Variants in PRKAR1A observed in about 807,000 individuals in gnomAD.
PRKAR1A encodes protein kinase cAMP-dependent type I regulatory subunit alpha.
Under a neutral mutation model 52.0 loss-of-function variants are expected in PRKAR1A, and 3 were observed. The ratio of observed to expected loss-of-function variants is 0.06; its 90% CI spans 0.03 to 0.15. The LOEUF (loss-of-function observed/expected upper bound fraction) is 0.15. Ranked by LOEUF, PRKAR1A falls within the 10% of genes least tolerant of loss-of-function variation. The pLI is 1.00. For missense variants in PRKAR1A, 240 were observed against 477.4 expected, an observed-to-expected ratio of 0.50 and a Z score of 4.63; for synonymous variants, 188 against 168.4, an observed-to-expected ratio of 1.12 and a Z score of -0.90.
chr17:68,539,630 G>C (rs762332400), intron 11 of PRKAR1A, among the ~76,000 whole-genome samples: 1 of 152,244 alleles, frequency 6.6e-6, no homozygotes, highest in African/African-American at 2.4e-5. Context: ...CAGCCACTGA[G>C]GATGCACCTT....
At chr17:68,426,211 G>A in the PRKAR1A span, 1 of 1,361,230 alleles carries the variant, frequency 7.3e-7, no homozygotes, top group South Asian at 1.1e-5. Context: ...ACAAGCACTG[G>A]GGATCTGCTT....
chr17:68,523,290 CTCCTCT>C (rs2085677208), intron 3 of PRKAR1A, among the ~76,000 whole-genome samples: 1 of 152,162 alleles, frequency 6.6e-6, no homozygotes, highest in Admixed American at 6.5e-5. Context: ...GTCCTGTGTT[CTCCTCT>C]TCCTCAGAGC....
At chr17:68,429,529 G>A in the PRKAR1A span, among the ~76,000 whole-genome samples, 4,894 of 152,190 alleles carry the variant, frequency 0.032, 262 homozygotes, top group African/African-American at 0.11. Flanking sequence ...CTGAGAATCC[G>A]TATTGAAGTC....
chr17:68,477,199 G>A, the PRKAR1A span, among the ~76,000 whole-genome samples: 9 of 151,768 alleles, frequency 5.9e-5, no homozygotes, highest in South Asian at 2.1e-4. Context: ...TCCTTTATTC[G>A]TCATGCATCA....
Position 68,532,321 on chromosome 17 carries a change from G to A in PRKAR1A, c.*1872G>A, listed in dbSNP as rs2085998822. 2 of 1,054,218 alleles carry A rather than the reference G, an allele frequency of 1.9e-6. No homozygotes were observed. Among genetic ancestry groups the A allele is most frequent in the Non-Finnish European group, 2.3e-6 (2 of 869,052 alleles). The allele number at this position is 1,054,218 out of a possible 1,614,324, so 65.3% of individuals were successfully genotyped here. Reference sequence around the variant, plus strand: ...GAATGCCATAAAATTGCAGTTTCATGTATGTATATAATCATGCTCATGTAT... The same window carrying A: ...GAATGCCATAAAATTGCAGTTTCATATATGTATATAATCATGCTCATGTAT... On this transcript the variant is annotated 3_prime_UTR_variant, in exon 11 of 11. Coordinates refer to ENST00000589228, the MANE Select transcript of PRKAR1A (RefSeq NM_002734.5).
chr17:68,504,607 T>A, the PRKAR1A span, among the ~76,000 whole-genome samples: 1 of 152,188 alleles, frequency 6.6e-6, no homozygotes, highest in East Asian at 1.9e-4. Flanking sequence ...CTTCACATAT[T>A]CTCACTTATT....
chr17:68,467,840 C>T, the PRKAR1A span, among the ~76,000 whole-genome samples: 21 of 152,226 alleles, frequency 1.4e-4, no homozygotes, highest in South Asian at 6.2e-4. Flanking sequence ...TGCTTAGCTT[C>T]GGCCGGGGAT....
At chr17:68,506,373 T>G in the PRKAR1A span, among the ~76,000 whole-genome samples, 3 of 152,196 alleles carry the variant, frequency 2.0e-5, no homozygotes, top group African/African-American at 7.2e-5. Flanking sequence ...TTCTGATCAC[T>G]GATGCCTGAG....
chr17:68,457,564 GTCCCCACCCCGCCCCTACCCCGCCCC>G, the PRKAR1A span: 9 of 133,620 alleles, frequency 6.7e-5, 1 homozygote, highest in Non-Finnish European at 9.6e-5. Flanking sequence ...ACCCCGCCCC[GTCCCCACCCCGCCCCTACCCCGCCCC>G]GTCCCCGCCG....
chr17:68,535,285 A>G, downstream of PRKAR1A: 1 of 454,142 alleles, frequency 2.2e-6, no homozygotes, highest in Non-Finnish European at 4.4e-6. Context: ...AGTGAATAAT[A>G]AGGTAGGTGT....
At chr17:68,504,791 A>C in the PRKAR1A span, among the ~76,000 whole-genome samples, 1 of 152,228 alleles carries the variant, frequency 6.6e-6, no homozygotes, top group African/African-American at 2.4e-5. Context: ...ACAATAGTAA[A>C]AAATAATTTA....
chr17:68,542,744 A>G, intron 11 of PRKAR1A: 2 of 1,614,108 alleles, frequency 1.2e-6, no homozygotes, highest in South Asian at 1.1e-5. Context: ...GGTGACCTCT[A>G]GGATTTCCTT....
At chr17:68,453,472 T>G in the PRKAR1A span, among the ~76,000 whole-genome samples, 20 of 151,532 alleles carry the variant, frequency 1.3e-4, no homozygotes, top group South Asian at 6.2e-4. Flanking sequence ...GCTTTGCTTT[T>G]CTTTTCCTTT....
At chr17:68,464,780 G>A in the PRKAR1A span, among the ~76,000 whole-genome samples, 2 of 151,890 alleles carry the variant, frequency 1.3e-5, no homozygotes, top group Admixed American at 6.6e-5. Flanking sequence ...AGAGCCCAGC[G>A]TTTCATAGAA....
chr17:68,450,841 C>T, the PRKAR1A span: 1 of 1,614,062 alleles, frequency 6.2e-7, no homozygotes, highest in African/African-American at 1.3e-5. Context: ...TGACTGACTA[C>T]CACCACCAGG....
chr17:68,464,101 G>C, the PRKAR1A span, among the ~76,000 whole-genome samples: 1 of 152,232 alleles, frequency 6.6e-6, no homozygotes, highest in Non-Finnish European at 1.5e-5. Flanking sequence ...CATAAACAAG[G>C]CCAGCACAAG....
At chr17:68,440,825 G>GCA in the PRKAR1A span, 1 of 152,188 alleles carries the variant, frequency 6.6e-6, no homozygotes. Context: ...CAAACTTTAG[G>GCA]TAAGTTAACA....
chr17:68,430,416 T>G, the PRKAR1A span, among the ~76,000 whole-genome samples: 1 of 152,358 alleles, frequency 6.6e-6, no homozygotes, highest in East Asian at 1.9e-4. Context: ...TGCTTTCCCC[T>G]ATTAAAGAAG....
At chr17:68,452,833 T>C in the PRKAR1A span, 2 of 1,338,472 alleles carry the variant, frequency 1.5e-6, no homozygotes, top group East Asian at 2.3e-5. Flanking sequence ...GGCAGCTTGG[T>C]AGCACCGCAG....
Sources: allele counts gnomAD v4.1 joint callset (sites outside exome capture counted in the v4.1 genomes callset), GRCh38; gene constraint gnomAD v4.1.1; transcripts MANE v1.5; gene names NCBI Gene and HGNC (gene_info 2026-07-23, HGNC 2026-07-21).